MCM8: variants seen among roughly 807,000 people sequenced by gnomAD.
The protein encoded by MCM8 is minichromosome maintenance 8 homologous recombination repair factor.
MCM8 carries 85 observed loss-of-function variants against 98.9 expected under a neutral mutation model. That is an observed-to-expected ratio of 0.86 (90% CI 0.72 to 1.03). The LOEUF (loss-of-function observed/expected upper bound fraction) is 1.03. MCM8 is among the 50% of genes least tolerant of loss of function. MCM8 has a pLI of 0.00. For missense variants in MCM8, 951 were observed against 997.8 expected, an observed-to-expected ratio of 0.95 and a Z score of 0.63; for synonymous variants, 352 against 338.6, an observed-to-expected ratio of 1.04 and a Z score of -0.44.
In MCM8 at chr20:5,994,320, A is replaced by C. The variant is rs1460000840; in HGVS notation, c.2452A>C (p.Ile818Leu). The change falls in exon 19 of 19, where the codon ATT (isoleucine) becomes CTT (leucine). Residue 818 changes from isoleucine (I) to leucine (L), a missense_variant. Coordinates refer to ENST00000610722, the MANE Select transcript of MCM8 (RefSeq NM_032485.6). The part of the protein sequence containing the change: ...NIQVADFENF[I>L]GSLNDQGYLL... ...CCAGGTTGCTGATTTTGAAAATTTTATTGGATCACTAAATGACCAGGGTTA... is the reference window on the plus strand; with the variant it reads ...CCAGGTTGCTGATTTTGAAAATTTTCTTGGATCACTAAATGACCAGGGTTA... The C allele has an allele frequency of 1.9e-6, 3 of 1,601,636 alleles. No homozygotes were observed. The highest frequency in any genetic ancestry group is 1.4e-5 in the African/African-American group (1 of 74,008).
chr20:5,994,296 C>T lies in MCM8; in HGVS notation c.2431-3C>T, dbSNP rs752465082. 9 of 1,578,184 alleles carry T rather than the reference C, an allele frequency of 5.7e-6. No homozygotes were observed. In the East Asian group the frequency reaches 1.4e-4, roughly 24 times the overall value. ...GGCTAAACCTTTTGATGTTTTCTTC[C>T]AGGTTGCTGATTTTGAAAATTTTAT... On this transcript the variant is annotated splice_polypyrimidine_tract_variant and splice_region_variant and intron_variant, in intron 18 of 18. Coordinates refer to ENST00000610722, the MANE Select transcript of MCM8 (RefSeq NM_032485.6).
intron 15 of MCM8, 136 bp downstream of exon 15, chr20:5,985,136 G>A (rs921776505): frequency 1.2e-4 from 82 of 689,286 alleles, no homozygotes; most frequent in African/African-American, 3.1e-4. Flanking sequence ...TAGAGTTTAC[G>A]TAAACTTCAT....
chr20:5,987,620 C>T (rs938483821), intron 17 of MCM8, among the ~76,000 whole-genome samples: 3 of 152,168 alleles, frequency 2.0e-5, no homozygotes, highest in African/African-American at 7.2e-5. Context: ...ACCACCTACT[C>T]GCCCTTCACC....
rs193104872 is a variant in MCM8 at position 5,951,744 on chromosome 20, T to C, written c.-5-267T>C. The stretch of plus-strand genomic sequence containing the variant: ...GACTTGTAAACAGGTACAGTACCTG[T>C]CCTTATTTTTAACCTGTGAGCGTCT... On this transcript the variant is annotated intron_variant, in intron 1 of 18. Coordinates refer to ENST00000610722, the MANE Select transcript of MCM8 (RefSeq NM_032485.6). 3.1e-4 allele frequency among the ~76,000 whole-genome samples: 47 copies of C among 152,328 alleles called. 1 individual carries two copies. In the East Asian group the frequency reaches 8.1e-3, roughly 26 times the overall value.
intron 16 of MCM8, 90 bp from the exon 17 acceptor site, chr20:5,987,192 G>A (rs948624231): frequency 1.0e-5 from 13 of 1,292,640 alleles, no homozygotes; most frequent in Non-Finnish European, 1.4e-5. Flanking sequence ...GTCAGTTTTT[G>A]TGTAAAACAA....
chr20:5,973,432 A>G (rs142576576), intron 12 of MCM8, among the ~76,000 whole-genome samples: 1 of 152,370 alleles, frequency 6.6e-6, no homozygotes, highest in Non-Finnish European at 1.5e-5. Flanking sequence ...GACATCAACT[A>G]TTAGGAAATA....
Position 5,967,930 on chromosome 20 carries a change from G to C in MCM8, c.1128G>C (p.Gly376=), listed in dbSNP as rs1192696656. ...KGQKTKSSED[G]CKHGMLMEFS... is the part of the protein sequence containing the mutation. ...AGAAAACAAAGAGTTCTGAGGATGG[G>C]TGTAAGCATGGAATGTTGATGGAGT... is the stretch of plus-strand genomic sequence containing the variant. Residue 376 remains glycine (G), a synonymous_variant, in exon 10 of 19, where the codon GGG becomes GGC. Transcript: ENST00000610722. 6.2e-7 allele frequency: 1 copy of C among 1,614,118 alleles called. No homozygotes were observed. The highest frequency in any genetic ancestry group is 1.1e-5 in the South Asian group (1 of 91,080).
At chr20:5,985,585 G>T (rs1381636988) in intron 15 of MCM8, among the ~76,000 whole-genome samples, 2 of 151,598 alleles carry the variant, frequency 1.3e-5, no homozygotes, top group African/African-American at 4.8e-5. Flanking sequence ...CACTCTTATC[G>T]CTCAGGCTGG....
At chr20:5,954,126 A>C (rs2088909136) in intron 3 of MCM8, among the ~76,000 whole-genome samples, 1 of 152,050 alleles carries the variant, frequency 6.6e-6, no homozygotes, top group Admixed American at 6.6e-5. Flanking sequence ...ACATATTTGA[A>C]AATGTAGAAC....
chr20:5,953,468 T>TGTGTGC (rs1304288030), intron 3 of MCM8, among the ~76,000 whole-genome samples: 1 of 142,282 alleles, frequency 7.0e-6, no homozygotes, highest in African/African-American at 2.5e-5. Flanking sequence ...TGTGTGTGTG[T>TGTGTGC]GTGCATACTT....
chr20:5,987,232 G>T (rs1210091053), intron 16 of MCM8, 50 bp from the exon 17 acceptor site: 2 of 1,539,866 alleles, frequency 1.3e-6, no homozygotes, highest in South Asian at 2.3e-5. Context: ...GACATACTAT[G>T]GTAAATATAT....
At chr20:5,992,623 TC>T (rs2089875941) in intron 17 of MCM8, among the ~76,000 whole-genome samples, 1 of 152,308 alleles carries the variant, frequency 6.6e-6, no homozygotes, top group Non-Finnish European at 1.5e-5. Flanking sequence ...AATGACTCAT[TC>T]CTATTTGCAT....
chr20:5,952,462 C>A lies in MCM8; in HGVS notation c.187C>A (p.Gln63Lys), dbSNP rs236110. The change falls in exon 3 of 19, where the codon CAG becomes AAG. Residue 63 changes from glutamine to lysine, a missense_variant. By Grantham distance (53) the Gln-to-Lys change is moderately conservative. Coordinates refer to ENST00000610722, the MANE Select transcript of MCM8 (RefSeq NM_032485.6). ...PQFLLSTKTP[Q>K]SMQSTLDRFI... The stretch of plus-strand genomic sequence containing the variant: ...GTTTTTGCTTTCAACAAAGACCCCA[C>A]AGTCAATGCAGTCAACATTGGATCG... 239,033 of 1,613,028 alleles carry A rather than the reference C, an allele frequency of 0.15. 22,407 individuals carry two copies. Among genetic ancestry groups the A allele is most frequent in the African/African-American group, 0.45 (33,851 of 74,862 alleles).
rs536343359 is a variant in MCM8 at position 5,982,144 on chromosome 20, A to G, written c.1538-826A>G. ...TGTATGTGCCAGGAATGTCATGTCT[A>G]TTGCACAAGTTATTGGGGACTCTCT... On this transcript the variant is annotated intron_variant, in intron 13 of 18. Transcript: ENST00000610722. Among the ~76,000 whole-genome samples, 105 of 152,278 alleles carry G rather than the reference A, an allele frequency of 6.9e-4. 1 individual carries two copies. Among genetic ancestry groups the G allele is most frequent in the Non-Finnish European group, 1.9e-4 (13 of 68,020 alleles).
intron 13 of MCM8, among the ~76,000 whole-genome samples, chr20:5,982,096 C>T (rs2089640593): frequency 6.6e-6 from 1 of 152,116 alleles, no homozygotes; most frequent in African/African-American, 2.4e-5. Context: ...AGAAGAAAAT[C>T]TGTTGAAATA....
At chr20:5,963,189 TAAATG>T (rs2089191348) in intron 7 of MCM8, 80 bp from the exon 8 acceptor site, 2 of 1,021,186 alleles carry the variant, frequency 2.0e-6, no homozygotes, top group South Asian at 1.3e-5. Context: ...AAAACAATAT[TAAATG>T]AAATGTTTTA....
intron 12 of MCM8, 91 bp from the exon 13 acceptor site, chr20:5,977,785 C>T (rs1406913631): frequency 1.5e-6 from 2 of 1,361,262 alleles, no homozygotes; most frequent in Non-Finnish European, 2.0e-6. Context: ...AAAAGAATAC[C>T]TAGCATATAC....
chr20:5,988,106 T>C (rs962668844), intron 17 of MCM8, among the ~76,000 whole-genome samples: 3 of 152,132 alleles, frequency 2.0e-5, no homozygotes, highest in Admixed American at 2.0e-4. Flanking sequence ...GTTTTTTTTA[T>C]TCCAGATAAA....
At chr20:5,985,321 G>A (rs2089708861) in intron 15 of MCM8, among the ~76,000 whole-genome samples, 1 of 151,334 alleles carries the variant, frequency 6.6e-6, no homozygotes, top group South Asian at 2.1e-4. Flanking sequence ...GTGCGTGTCT[G>A]TAATCCCAGC....
Sources: allele counts gnomAD v4.1 joint callset (sites outside exome capture counted in the v4.1 genomes callset), GRCh38; gene constraint gnomAD v4.1.1; transcripts MANE v1.5; gene names NCBI Gene and HGNC (gene_info 2026-07-23, HGNC 2026-07-21).